C8orf74: variants seen among roughly 807,000 people sequenced by gnomAD.
The protein encoded by C8orf74 is chromosome 8 open reading frame 74.
Under a neutral mutation model 22.2 loss-of-function variants are expected in C8orf74, and 29 were observed. The ratio of observed to expected loss-of-function variants is 1.31; its 90% CI spans 0.97 to 1.78. The LOEUF (loss-of-function observed/expected upper bound fraction) is 1.78, where lower values mean the gene tolerates loss of function less well. C8orf74 is among the 40% of genes most tolerant of loss of function. The probability of loss-of-function intolerance (pLI) is 0.00; values close to 1 mark genes in which losing one functional copy is unlikely to be tolerated. For missense variants in C8orf74, 515 were observed against 369.9 expected, an observed-to-expected ratio of 1.39 and a Z score of -3.22; for synonymous variants, 255 against 163.1, an observed-to-expected ratio of 1.56 and a Z score of -4.30.
At chr8:10,685,239 C>T (rs939659518) in intron 2 of C8orf74, among the ~76,000 whole-genome samples, 2 of 152,178 alleles carry the variant, frequency 1.3e-5, no homozygotes, top group Admixed American at 6.5e-5. Context: ...TATGGCAGTT[C>T]TTCAAAAAAG....
rs763068879 is a variant in C8orf74, at chr8:10,700,304, C to G, written c.718C>G (p.Gln240Glu). ...MELLQELLQRQIQNTFAILDL... is the reference protein window; with the variant it reads ...MELLQELLQREIQNTFAILDL... ...GCTCCTGCAGGAGCTGCTGCAGCGC[C>G]AGATCCAGAACACATTCGCCATCTT... Residue 240 changes from glutamine (Q) to glutamate (E), a missense_variant, in exon 4 of 4, where the codon CAG becomes GAG. Physicochemically the swap from Gln to Glu is conservative, Grantham distance 29 (BLOSUM62 2). Coordinates refer to ENST00000304519, the MANE Select transcript of C8orf74 (RefSeq NM_001040032.2). 6.2e-7 allele frequency: 1 copy of G among 1,613,756 alleles called. No individual in the cohort carries two copies. The highest frequency in any genetic ancestry group is 1.1e-5 in the South Asian group (1 of 91,056).
intron 2 of C8orf74, among the ~76,000 whole-genome samples, chr8:10,683,413 G>A (rs1220541357): frequency 6.6e-6 from 1 of 152,192 alleles, no homozygotes; most frequent in Non-Finnish European, 1.5e-5. Flanking sequence ...TCCTCCATCA[G>A]CTGGACTTAC....
chr8:10,678,270 A>C (rs776107753), intron 2 of C8orf74, among the ~76,000 whole-genome samples: 8 of 152,348 alleles, frequency 5.3e-5, no homozygotes, highest in Non-Finnish European at 1.0e-4. Context: ...ATGGGGATGC[A>C]GGATCACTCT....
chr8:10,676,394 C>A (rs1048476741), intron 2 of C8orf74, among the ~76,000 whole-genome samples: 1 of 152,108 alleles, frequency 6.6e-6, no homozygotes, highest in East Asian at 1.9e-4. Flanking sequence ...CCCCCAGGGC[C>A]AGCACCATTT....
chr8:10,680,775 G>C (rs185523773), intron 2 of C8orf74, among the ~76,000 whole-genome samples: 373 of 152,306 alleles, frequency 2.4e-3, no homozygotes, highest in African/African-American at 8.0e-3. Context: ...GGGGGCCCAG[G>C]CGGCCAGGGG....
chr8:10,674,983 T>C (rs1222362664), intron 2 of C8orf74, 145 bp downstream of exon 2: 2 of 639,040 alleles, frequency 3.1e-6, no homozygotes, highest in African/African-American at 3.7e-5. Context: ...CCTCCTCACA[T>C]GCTTAAAAAT....
At chr8:10,695,364 G>C (rs1309958775) in intron 2 of C8orf74, among the ~76,000 whole-genome samples, 1 of 152,116 alleles carries the variant, frequency 6.6e-6, no homozygotes, top group Non-Finnish European at 1.5e-5. Context: ...TGGGCTCCAA[G>C]CCTGCTGGTT....
chr8:10,682,794 C>A (rs1302628612), intron 2 of C8orf74, among the ~76,000 whole-genome samples: 1 of 152,222 alleles, frequency 6.6e-6, no homozygotes, highest in Non-Finnish European at 1.5e-5. Flanking sequence ...CAAGACGGGG[C>A]CATAGAAACC....
Position 10,696,564 on chromosome 8 carries a change from C to T in C8orf74, c.242-1035C>T, listed in dbSNP as rs574609287. On this transcript the variant is annotated intron_variant, in intron 2 of 3. Coordinates refer to ENST00000304519, the MANE Select transcript of C8orf74 (RefSeq NM_001040032.2). ...CTGGGTTCAAGCAATTCTCCTGCCT[C>T]AGCCTCCCAAGTAGCTGGGATTACA... 4.6e-5 allele frequency among the ~76,000 whole-genome samples: 7 copies of T among 151,274 alleles called. 1 individual carries two copies. In the Middle Eastern group the frequency reaches 0.021, roughly 444 times the overall value.
intron 3 of C8orf74, among the ~76,000 whole-genome samples, 173 bp downstream of exon 3, chr8:10,698,178 A>G (rs1447211029): frequency 6.6e-6 from 1 of 152,184 alleles, no homozygotes; most frequent in African/African-American, 2.4e-5. Flanking sequence ...GTAGAAATTC[A>G]TGTCCCTATT....
chr8:10,684,121 G>A (rs1799212461), intron 2 of C8orf74, among the ~76,000 whole-genome samples: 1 of 152,202 alleles, frequency 6.6e-6, no homozygotes, highest in Non-Finnish European at 1.5e-5. Context: ...TGAGCCCTCT[G>A]CCCATATCAT....
intron 2 of C8orf74, among the ~76,000 whole-genome samples, chr8:10,695,274 A>G (rs1799466808): frequency 1.3e-5 from 2 of 152,160 alleles, no homozygotes; most frequent in Admixed American, 6.5e-5. Flanking sequence ...TTTGAGAGAA[A>G]AAGGCCCGTG....
chr8:10,676,267 C>T (rs998118174), intron 2 of C8orf74, among the ~76,000 whole-genome samples: 1 of 152,098 alleles, frequency 6.6e-6, no homozygotes, highest in African/African-American at 2.4e-5. Flanking sequence ...ATCACACAGG[C>T]TGCACGAGGC....
chr8:10,690,932 G>A (rs1345448426), intron 2 of C8orf74: 1 of 456,204 alleles, frequency 2.2e-6, no homozygotes, highest in Admixed American at 2.3e-5. Context: ...ATGCAAATGA[G>A]GGCCACTCCC....
intron 2 of C8orf74, among the ~76,000 whole-genome samples, chr8:10,679,293 C>A (rs1335343639): frequency 6.6e-6 from 1 of 152,132 alleles, no homozygotes; most frequent in Non-Finnish European, 1.5e-5. Flanking sequence ...TCTCAGGCAC[C>A]CTCCTGGGCT....
intron 2 of C8orf74, among the ~76,000 whole-genome samples, chr8:10,677,944 A>G (rs936535797): frequency 1.3e-5 from 2 of 152,200 alleles, no homozygotes; most frequent in Non-Finnish European, 2.9e-5. Context: ...ACCCCCACGG[A>G]TACCACCTCG....
In C8orf74 at chr8:10,682,689, C is replaced by G. The variant is rs77419999; in HGVS notation, c.241+7851C>G. Among the ~76,000 whole-genome samples the G allele has an allele frequency of 5.4e-3, 820 of 152,320 alleles. 9 individuals are homozygous for G. Among genetic ancestry groups the G allele is most frequent in the African/African-American group, 0.019 (780 of 41,558 alleles). ...CCTGACATACTGGGGATTAGGACCT[C>G]AACACGTAAACTAGGGTGTGAGCAG... On this transcript the variant is annotated intron_variant, in intron 2 of 3. Transcript: ENST00000304519.
intron 2 of C8orf74, among the ~76,000 whole-genome samples, chr8:10,682,867 T>C (rs1191639548): frequency 6.6e-6 from 1 of 152,240 alleles, no homozygotes; most frequent in East Asian, 1.9e-4. Context: ...GTCATGTGCT[T>C]GGCCTTTAAC....
chr8:10,697,830 A>G lies in C8orf74; in HGVS notation c.473A>G (p.Asp158Gly), dbSNP rs201520848. ...CCCCTCCCGCTGGCCGAGGGCATGG[A>G]CAGGGACTTGTGGATCCACGAGCAG... ...PHPLPLAEGM[D>G]RDLWIHEQQV... Residue 158 changes from aspartate to glycine, a missense_variant, in exon 3 of 4, where the codon GAC becomes GGC. By Grantham distance (94) the Asp-to-Gly change is moderately conservative. Transcript: ENST00000304519. 5 of 1,613,870 alleles carry G rather than the reference A, an allele frequency of 3.1e-6. No individual in the cohort carries two copies. In the South Asian group the frequency reaches 4.4e-5, roughly 14 times the overall value.
Sources: allele counts gnomAD v4.1 joint callset (sites outside exome capture counted in the v4.1 genomes callset), GRCh38; gene constraint gnomAD v4.1.1; transcripts MANE v1.5; gene names NCBI Gene and HGNC (gene_info 2026-07-23, HGNC 2026-07-21).